Variants in TPH1 observed in about 807,000 individuals in gnomAD.
TPH1 encodes tryptophan hydroxylase 1, also known as tryptophan 5-hydroxylase 1.
TPH1 carries 37 observed loss-of-function variants against 49.5 expected under a neutral mutation model. The ratio of observed to expected loss-of-function variants is 0.75; its 90% CI spans 0.58 to 0.98. The LOEUF (loss-of-function observed/expected upper bound fraction) is 0.98, where lower values mean the gene tolerates loss of function less well. Ranked by LOEUF, TPH1 falls within the 50% of genes least tolerant of loss-of-function variation. TPH1 has a pLI of 0.00. For missense variants in TPH1, 487 were observed against 523.6 expected (o/e 0.93, Z 0.68); for synonymous variants, 160 against 182.1 (o/e 0.88, Z 0.98).
chr11:18,020,595 G>A lies in TPH1; in HGVS notation c.*396C>T, dbSNP rs962323402. On this transcript the variant is annotated 3_prime_UTR_variant, in exon 11 of 11. Coordinates refer to ENST00000682019, the MANE Select transcript of TPH1 (RefSeq NM_004179.3). ...ATCTTAGGTAACAATATGAGTCAGC[G>A]CCATAATACTCCTCAAGTTATTCTA... The A allele has an allele frequency of 3.2e-5, 6 of 187,862 alleles. No homozygotes were observed. The highest frequency in any genetic ancestry group is 1.1e-4 in the Admixed American group (2 of 18,594). 11.6% of individuals were successfully genotyped at this position (187,862 alleles called of 1,614,324 possible). A position where few individuals can be genotyped will look rare whatever the true frequency, so the allele number is the denominator to read the frequency against.
chr11:18,023,847 T>C (rs1191330858), intron 9 of TPH1, 41 bp downstream of exon 9: 1 of 1,473,076 alleles, frequency 6.8e-7, no homozygotes, highest in South Asian at 1.1e-5. Context: ...ATCAATTATG[T>C]TAGGTGAATA....
intron 3 of TPH1, among the ~76,000 whole-genome samples, chr11:18,034,825 T>A (rs533585994): frequency 9.8e-5 from 15 of 152,298 alleles, no homozygotes; most frequent in Admixed American, 2.6e-4. Context: ...GCTACCTGAG[T>A]ATCTGAAACT....
Position 18,022,893 on chromosome 11 carries a change from A to G in TPH1, c.1065T>C (p.Asp355=), listed in dbSNP as rs759034646. ...ATTCCTGTTTGCAGGTAATCTTGGG[A>G]TCAAAGGGCTTTACTTTGGCATGTC... The part of the protein sequence containing the change: ...LSGHAKVKPF[D]PKITCKQECL... The change falls in exon 10 of 11, where the codon GAT becomes GAC. Residue 355 remains aspartate (D), a synonymous_variant. Transcript: ENST00000682019. 6.2e-7 allele frequency: 1 copy of G among 1,613,650 alleles called. No individual in the cohort carries two copies. Among genetic ancestry groups the G allele is most frequent in the Non-Finnish European group, 8.5e-7 (1 of 1,179,646 alleles).
chr11:18,021,561 A>C (rs1430380913), intron 10 of TPH1, among the ~76,000 whole-genome samples: 1 of 152,174 alleles, frequency 6.6e-6, no homozygotes, highest in African/African-American at 2.4e-5. Context: ...ACATAGTAAC[A>C]GATCCCTCAG....
At chr11:18,029,107 T>G in intron 6 of TPH1, 58 bp downstream of exon 6, 18 of 835,764 alleles carry the variant, frequency 2.2e-5, no homozygotes, top group Non-Finnish European at 3.2e-5. Context: ...AAAAAAATGC[T>G]GTCATGATCA....
At chr11:18,041,892 G>A (rs1848101118) in intron 1 of TPH1, among the ~76,000 whole-genome samples, 1 of 152,214 alleles carries the variant, frequency 6.6e-6, no homozygotes. Flanking sequence ...AAGCACCACA[G>A]TCAAAGTTAG....
intron 4 of TPH1, 149 bp from the exon 5 acceptor site, chr11:18,029,728 C>G: frequency 1.5e-6 from 1 of 669,338 alleles, no homozygotes; most frequent in Non-Finnish European, 2.5e-6. Context: ...GATTTATGAT[C>G]ATTTTTATTT....
intron 8 of TPH1, among the ~76,000 whole-genome samples, chr11:18,024,427 CAGAT>C (rs1219552989): frequency 4.6e-5 from 7 of 152,150 alleles, no homozygotes; most frequent in African/African-American, 1.2e-4. Flanking sequence ...GGCTAGAAGA[CAGAT>C]GGAGTCTCGT....
In TPH1 at chr11:18,029,565, A is replaced by C; in HGVS notation, c.417T>G (p.Asn139Lys). 6.2e-7 allele frequency: 1 copy of C among 1,612,946 alleles called. No individual in the cohort carries two copies. Among genetic ancestry groups the C allele is most frequent in the Non-Finnish European group, 8.5e-7 (1 of 1,179,264 alleles). The part of the protein sequence containing the change: ...LDADHPGFKD[N>K]VYRKRRKYFA... The stretch of plus-strand genomic sequence containing the variant: ...AATACTTTCGACGTTTACGGTAGAC[A>C]TTGTCTTTGAAGCCCTGATAATTAA... The change falls in exon 5 of 11, where the codon AAT becomes AAG. Residue 139 changes from asparagine to lysine, a missense_variant. By Grantham distance (94) the Asn-to-Lys change is moderately conservative. Transcript: ENST00000682019.
At chr11:18,038,486 G>T (rs1274497540) in intron 2 of TPH1, among the ~76,000 whole-genome samples, 1 of 152,176 alleles carries the variant, frequency 6.6e-6, no homozygotes, top group East Asian at 1.9e-4. Flanking sequence ...ATATTCTAAA[G>T]TGCAGACAAA....
chr11:18,040,171 T>C (rs1848085776), intron 2 of TPH1, among the ~76,000 whole-genome samples: 1 of 149,044 alleles, frequency 6.7e-6, no homozygotes, highest in Admixed American at 6.7e-5. Flanking sequence ...AGTGAATCTT[T>C]TCTCCCCCAT....
Position 18,026,502 on chromosome 11 carries a change from T to C in TPH1, c.791A>G (p.Tyr264Cys), listed in dbSNP as rs375116786. Residue 264 changes from tyrosine (Y) to cysteine (C), a missense_variant, in exon 7 of 11, where the codon TAT (tyrosine) becomes TGT (cysteine). Transcript: ENST00000682019. ...TAGAAGTACTTACGGCTCTGGGGTA[T>C]AGAAGGGATCTGAACTGTGTCTCAC... is the stretch of plus-strand genomic sequence containing the variant. ...QYVRHSSDPF[Y>C]TPEPDTCHEL... 6.6e-5 allele frequency: 106 copies of C among 1,612,840 alleles called. No homozygotes were observed. Among genetic ancestry groups the C allele is most frequent in the Non-Finnish European group, 8.7e-5 (103 of 1,179,756 alleles).
At chr11:18,037,687 T>A (rs1287897508) in intron 2 of TPH1, among the ~76,000 whole-genome samples, 1 of 152,336 alleles carries the variant, frequency 6.6e-6, no homozygotes, top group East Asian at 1.9e-4. Context: ...AAAATCTCAA[T>A]GGAATTTGGT....
chr11:18,037,485 T>C (rs927034743), intron 2 of TPH1, among the ~76,000 whole-genome samples: 1 of 152,086 alleles, frequency 6.6e-6, no homozygotes, highest in Non-Finnish European at 1.5e-5. Context: ...ACAGAATCAA[T>C]AGAAGTCAGT....
Position 18,018,665 on chromosome 11 carries a change from C to CAAAAAAAAAAAAAAAAAAAAA in TPH1, c.*2305_*2325dup, listed in dbSNP as rs57390279. The CAAAAAAAAAAAAAAAAAAAAA allele has an allele frequency of 2.7e-5, 1 of 37,038 alleles. No homozygotes were observed. The allele number at this position is 37,038 out of a possible 1,614,324, so 2.3% of individuals were successfully genotyped here. A position where few individuals can be genotyped will look rare whatever the true frequency, so the allele number is the denominator to read the frequency against. On this transcript the variant is annotated 3_prime_UTR_variant, in exon 11 of 11. Coordinates refer to ENST00000682019, the MANE Select transcript of TPH1 (RefSeq NM_004179.3). ...TGGGCGACAGAGCAAGACTCCGTCTCAAAAAAAAAAAAAAAAAAAAAAAAA... is the reference window on the plus strand; with the variant it reads ...TGGGCGACAGAGCAAGACTCCGTCTCAAAAAAAAAAAAAAAAAAAAAAAAAAAAAAAAAAAAAAAAAAAAAA...
intron 1 of TPH1, among the ~76,000 whole-genome samples, chr11:18,042,820 GCATTTTA>G: frequency 6.6e-6 from 1 of 152,144 alleles, no homozygotes; most frequent in African/African-American, 2.4e-5. Flanking sequence ...TAGGAATTAG[GCATTTTA>G]CAAGATGGTT....
intron 1 of TPH1, among the ~76,000 whole-genome samples, chr11:18,042,723 A>C (rs754909753): frequency 1.2e-4 from 19 of 152,224 alleles, no homozygotes; most frequent in Non-Finnish European, 2.5e-4. Flanking sequence ...AATATGTCCC[A>C]AATTTTCCAG....
intron 3 of TPH1, among the ~76,000 whole-genome samples, chr11:18,034,733 C>A (rs1848027419): frequency 6.6e-6 from 1 of 152,094 alleles, no homozygotes; most frequent in African/African-American, 2.4e-5. Flanking sequence ...ATAAAATGTA[C>A]CTAAATTATC....
chr11:18,029,702 G>T, intron 4 of TPH1, 123 bp from the exon 5 acceptor site: 1 of 763,576 alleles, frequency 1.3e-6, no homozygotes, highest in Admixed American at 2.3e-5. Flanking sequence ...GATACTATGA[G>T]CAAGCATTAT....
Sources: gnomAD v4.1 joint callset for allele counts (sites outside exome capture counted in the v4.1 genomes callset) on GRCh38, gnomAD v4.1.1 for gene constraint, MANE v1.5 for transcripts, NCBI Gene and HGNC (gene_info 2026-07-23, HGNC 2026-07-21) for gene names.